AGAP1: variants seen among roughly 807,000 people sequenced by gnomAD.
The protein encoded by AGAP1 is ArfGAP with GTPase domain, ankyrin repeat and PH domain 1, also known as arf-GAP with GTPase, ANK repeat and PH domain-containing protein 1.
A neutral mutation model predicts 105.3 loss-of-function variants in AGAP1; 29 were observed. That is an observed-to-expected ratio of 0.28 (90% CI 0.21 to 0.38). The LOEUF is 0.38. Among genes scored for constraint, AGAP1 ranks in the 10% least tolerant of loss-of-function variants. AGAP1 has a pLI of 1.00. For missense variants in AGAP1, 998 were observed against 1,165.1 expected (o/e 0.86, Z 2.09); for synonymous variants, 509 against 485.9 (o/e 1.05, Z -0.63).
Position 235,893,126 on chromosome 2 carries a change from C to T in AGAP1, c.1155+9677C>T, listed in dbSNP as rs2050622445. ...TGTGCTGTGTCCTCATAAGGGTGCG[C>T]CATGTCTGTGGCGTAGTGTGCACCG... On this transcript the variant is annotated intron_variant, in intron 10 of 17. Coordinates refer to ENST00000304032, the MANE Select transcript of AGAP1 (RefSeq NM_001037131.3). This position sits in a 1 kb window ranked among gnomAD's most constrained non-coding sequence, Gnocchi z 4.7. 6.7e-6 allele frequency among the ~76,000 whole-genome samples: 1 copy of T among 150,296 alleles called. No individual in the cohort carries two copies. Among genetic ancestry groups the T allele is most frequent in the African/African-American group, 2.5e-5 (1 of 40,710 alleles).
chr2:235,872,787 C>T lies in AGAP1; in HGVS notation c.1051-10558C>T, dbSNP rs948269154. Reference sequence around the variant, plus strand: ...CCCCCTGTCTTCCCCGATTGGTTTCCATTTAGCTGCTGCACATGGGGGATG... The same window carrying T: ...CCCCCTGTCTTCCCCGATTGGTTTCTATTTAGCTGCTGCACATGGGGGATG... On this transcript the variant is annotated intron_variant, in intron 9 of 17. Transcript: ENST00000304032. This position sits in a 1 kb window ranked among gnomAD's most constrained non-coding sequence, Gnocchi z 4.5. Among the ~76,000 whole-genome samples, 1 of 152,196 alleles carries T rather than the reference C, an allele frequency of 6.6e-6. No individual in the cohort carries two copies. Among genetic ancestry groups the T allele is most frequent in the Non-Finnish European group, 1.5e-5 (1 of 68,040 alleles).
rs1008117762 is a variant in AGAP1 at position 236,130,133 on chromosome 2, A to G, written c.*6011A>G. 6.6e-6 allele frequency: 1 copy of G among 152,276 alleles called. No individual in the cohort carries two copies. The highest frequency in any genetic ancestry group is 2.4e-5 in the African/African-American group (1 of 41,460). The allele number at this position is 152,276 out of a possible 1,614,324, so 9.4% of individuals were successfully genotyped here. On this transcript the variant is annotated 3_prime_UTR_variant, in exon 18 of 18. Transcript: ENST00000304032. The surrounding 1 kb of genome is among the most constrained non-coding windows in gnomAD (Gnocchi z 5.8). The stretch of plus-strand genomic sequence containing the variant: ...CCTAAGGCTGCTAGGTGAGACCAGC[A>G]GGCAGCTGTGGCATCCGACCTTGGG...
At chr2:236,108,451 T>G (rs569515074) in intron 16 of AGAP1, among the ~76,000 whole-genome samples, 6 of 152,154 alleles carry the variant, frequency 3.9e-5, no homozygotes, top group Admixed American at 2.6e-4. Flanking sequence ...ACCCTGAGGG[T>G]GTTCCTCCAC....
At position 235,733,383 on chromosome 2, in the gene AGAP1, C is replaced by G. The variant is rs371060101; in HGVS notation, c.311-7580C>G. ...GTGAAGTGATGGGGTGTTGTTGGCT[C>G]AGGTTGTAGGAGAGATGAGGAGCCT... On this transcript the variant is annotated intron_variant, in intron 3 of 17. Transcript: ENST00000304032. The surrounding 1 kb of genome is among the most constrained non-coding windows in gnomAD (Gnocchi z 5.0). Among the ~76,000 whole-genome samples, 28 of 152,262 alleles carry G rather than the reference C, an allele frequency of 1.8e-4. 1 individual carries two copies. In the South Asian group the frequency reaches 5.4e-3, roughly 29 times the overall value.
At position 235,919,047 on chromosome 2, in the gene AGAP1, A is replaced by G. The variant is rs1183619386; in HGVS notation, c.1324+10141A>G. On this transcript the variant is annotated intron_variant, in intron 11 of 17. Coordinates refer to ENST00000304032, the MANE Select transcript of AGAP1 (RefSeq NM_001037131.3). This position sits in a 1 kb window ranked among gnomAD's most constrained non-coding sequence, Gnocchi z 4.1. ...TTTTCTCTCAAAAATGTGTGTGGGC[A>G]GGGAGGAATAGTGTTTCAGCTGCTG... Among the ~76,000 whole-genome samples the G allele has an allele frequency of 6.6e-6, 1 of 152,190 alleles. No homozygotes were observed. Among genetic ancestry groups the G allele is most frequent in the Non-Finnish European group, 1.5e-5 (1 of 68,030 alleles).
chr2:235,566,715 A>G lies in AGAP1; in HGVS notation c.163+71866A>G. 3 of 672,222 alleles carry G rather than the reference A, an allele frequency of 4.5e-6. No homozygotes were observed. Among genetic ancestry groups the G allele is most frequent in the Non-Finnish European group, 5.5e-6 (3 of 543,974 alleles). The allele number at this position is 672,222 out of a possible 1,614,324, so 41.6% of individuals were successfully genotyped here. On this transcript the variant is annotated intron_variant, in intron 1 of 17. Coordinates refer to ENST00000304032, the MANE Select transcript of AGAP1 (RefSeq NM_001037131.3). This position sits in a 1 kb window ranked among gnomAD's most constrained non-coding sequence, Gnocchi z 5.2. Reference sequence around the variant, plus strand: ...AACACAGGATGCATATTCAGGCAGGAAGTTGTTGGGGTTAACATGAGTGGA... The same window carrying G: ...AACACAGGATGCATATTCAGGCAGGGAGTTGTTGGGGTTAACATGAGTGGA...
At position 236,012,346 on chromosome 2, in the gene AGAP1, A is replaced by G. The variant is rs1194176612; in HGVS notation, c.1646-24215A>G. The stretch of plus-strand genomic sequence containing the variant: ...ATATGTAAATATTGCTGCAAGAGGT[A>G]AGTTGTACTCTTGAGGAGTGCAGCC... On this transcript the variant is annotated intron_variant, in intron 13 of 17. Transcript: ENST00000304032. The surrounding 1 kb of genome is among the most constrained non-coding windows in gnomAD (Gnocchi z 4.9). Among the ~76,000 whole-genome samples, 2 of 152,048 alleles carry G rather than the reference A, an allele frequency of 1.3e-5. No individual in the cohort carries two copies. Among genetic ancestry groups the G allele is most frequent in the Admixed American group, 6.6e-5 (1 of 15,256 alleles).
chr2:235,591,806 T>A (rs1307153210), intron 1 of AGAP1, among the ~76,000 whole-genome samples: 2 of 152,058 alleles, frequency 1.3e-5, no homozygotes, highest in Non-Finnish European at 2.9e-5. Flanking sequence ...CAGTATACAG[T>A]ATTAGGTGCC....
At position 235,732,781 on chromosome 2, in the gene AGAP1, G is replaced by A. The variant is rs1952026285; in HGVS notation, c.311-8182G>A. On this transcript the variant is annotated intron_variant, in intron 3 of 17. Coordinates refer to ENST00000304032, the MANE Select transcript of AGAP1 (RefSeq NM_001037131.3). The surrounding 1 kb of genome is among the most constrained non-coding windows in gnomAD (Gnocchi z 4.8). ...CAAATCTAGGCTGTTGGGAGCCCGT[G>A]ACCGCCCTGCTTCCTGTGGTGGGAG... Among the ~76,000 whole-genome samples, 1 of 152,154 alleles carries A rather than the reference G, an allele frequency of 6.6e-6. No individual in the cohort carries two copies. Among genetic ancestry groups the A allele is most frequent in the African/African-American group, 2.4e-5 (1 of 41,452 alleles).
chr2:235,733,628 G>A lies in AGAP1; in HGVS notation c.311-7335G>A, dbSNP rs1230638266. ...GAGTTTGGCTTTTTTCTTGTTCTGT[G>A]TTCCTTTTGTACCTTACTTAGATCT... On this transcript the variant is annotated intron_variant, in intron 3 of 17. Transcript: ENST00000304032. This position sits in a 1 kb window ranked among gnomAD's most constrained non-coding sequence, Gnocchi z 5.0. 6.6e-6 allele frequency among the ~76,000 whole-genome samples: 1 copy of A among 152,048 alleles called. No homozygotes were observed. The highest frequency in any genetic ancestry group is 1.5e-5 in the Non-Finnish European group (1 of 68,014).
At position 236,096,495 on chromosome 2, in the gene AGAP1, C is replaced by T. The variant is rs2059194510; in HGVS notation, c.2115-23697C>T. ...CAGCCTTGGGGACAGAGTGAGCCTC[C>T]ATCTCAAAAAAAAAAAAGCTTCTGG... On this transcript the variant is annotated intron_variant, in intron 16 of 17. Coordinates refer to ENST00000304032, the MANE Select transcript of AGAP1 (RefSeq NM_001037131.3). The surrounding 1 kb of genome is among the most constrained non-coding windows in gnomAD (Gnocchi z 4.4). Among the ~76,000 whole-genome samples, 1 of 147,844 alleles carries T rather than the reference C, an allele frequency of 6.8e-6. No homozygotes were observed. The highest frequency in any genetic ancestry group is 2.0e-4 in the East Asian group (1 of 4,990).
rs140407256 is a variant in AGAP1, at chr2:235,920,938, A to G, written c.1325-9827A>G. 7.4e-4 allele frequency among the ~76,000 whole-genome samples: 112 copies of G among 152,320 alleles called. No individual in the cohort carries two copies. In the East Asian group the frequency reaches 0.018, roughly 24 times the overall value. On this transcript the variant is annotated intron_variant, in intron 11 of 17. Transcript: ENST00000304032. ...CATGGGGCATACTGTTATCATTATCACCATTTCTTCATTATTATTATTATC... is the reference window on the plus strand; with the variant it reads ...CATGGGGCATACTGTTATCATTATCGCCATTTCTTCATTATTATTATTATC...
intron 1 of AGAP1, among the ~76,000 whole-genome samples, chr2:235,626,311 T>C (rs1489006352): frequency 6.6e-6 from 1 of 152,060 alleles, no homozygotes; most frequent in Non-Finnish European, 1.5e-5. Flanking sequence ...TGAGCCAAGA[T>C]CACGCCACTG....
chr2:235,991,566 T>C (rs542422196), intron 13 of AGAP1, among the ~76,000 whole-genome samples: 1 of 152,318 alleles, frequency 6.6e-6, no homozygotes, highest in East Asian at 1.9e-4. Flanking sequence ...AGAAAATGGT[T>C]TTTTAAATCA....
In AGAP1 at chr2:235,739,592, C is replaced by T. The variant is rs1399734897; in HGVS notation, c.311-1371C>T. Among the ~76,000 whole-genome samples the T allele has an allele frequency of 1.3e-5, 2 of 152,256 alleles. No homozygotes were observed. The highest frequency in any genetic ancestry group is 2.9e-5 in the Non-Finnish European group (2 of 68,044). On this transcript the variant is annotated intron_variant, in intron 3 of 17. Coordinates refer to ENST00000304032, the MANE Select transcript of AGAP1 (RefSeq NM_001037131.3). This position sits in a 1 kb window ranked among gnomAD's most constrained non-coding sequence, Gnocchi z 5.3. Reference sequence around the variant, plus strand: ...CTTCATTGTTGTGTTATTGAATGAACTGAACAGCAGATTTATTTGCTTTAG... The same window carrying T: ...CTTCATTGTTGTGTTATTGAATGAATTGAACAGCAGATTTATTTGCTTTAG...
chr2:235,513,472 GA>G (rs1261535961), intron 1 of AGAP1, among the ~76,000 whole-genome samples: 1 of 145,420 alleles, frequency 6.9e-6, no homozygotes, highest in Admixed American at 7.1e-5. Flanking sequence ...AGCGAACTGA[GA>G]TCGCGCCACT....
At position 236,131,616 on chromosome 2, in the gene AGAP1, T is replaced by C. The variant is rs550492875; in HGVS notation, c.*7494T>C. On this transcript the variant is annotated 3_prime_UTR_variant, in exon 18 of 18. Coordinates refer to ENST00000304032, the MANE Select transcript of AGAP1 (RefSeq NM_001037131.3). The surrounding 1 kb of genome is among the most constrained non-coding windows in gnomAD (Gnocchi z 5.9). ...GACAGACATTTCACTTTGCTTGTTA[T>C]TTCATATGATCTTGTTTTGATTAAA... The C allele has an allele frequency of 6.6e-6, 1 of 152,340 alleles. No homozygotes were observed. Among genetic ancestry groups the C allele is most frequent in the African/African-American group, 2.4e-5 (1 of 41,592 alleles). The allele number at this position is 152,340 out of a possible 1,614,324, so 9.4% of individuals were successfully genotyped here. A position where few individuals can be genotyped will look rare whatever the true frequency, so the allele number is the denominator to read the frequency against.
rs149132863 is a variant in AGAP1, at chr2:236,022,038, G to A, written c.1646-14523G>A. ...GAAGCCACTGCACTCCAGTCTGGGC[G>A]ACAGAGACCCTGTCTCAAAAAAAAA... is the stretch of plus-strand genomic sequence containing the variant. On this transcript the variant is annotated intron_variant, in intron 13 of 17. Coordinates refer to ENST00000304032, the MANE Select transcript of AGAP1 (RefSeq NM_001037131.3). Among the ~76,000 whole-genome samples, 814 of 134,508 alleles carry A rather than the reference G, an allele frequency of 6.1e-3. 6 individuals are homozygous for A. Among genetic ancestry groups the A allele is most frequent in the African/African-American group, 0.022 (764 of 35,454 alleles). 88.2% of individuals were successfully genotyped at this position (134,508 alleles called of 152,430 possible). A position where few individuals can be genotyped will look rare whatever the true frequency, so the allele number is the denominator to read the frequency against.
Position 235,866,505 on chromosome 2 carries a change from G to A in AGAP1, c.1051-16840G>A, listed in dbSNP as rs538286499. ...CTGTGGGGCGTATTTGGTGAGACTG[G>A]TGAGGTCAGCATTGGACCACCTCCC... On this transcript the variant is annotated intron_variant, in intron 9 of 17. Transcript: ENST00000304032. The surrounding 1 kb of genome is among the most constrained non-coding windows in gnomAD (Gnocchi z 6.1). 6.6e-6 allele frequency among the ~76,000 whole-genome samples: 1 copy of A among 152,312 alleles called. No homozygotes were observed. The highest frequency in any genetic ancestry group is 2.1e-4 in the South Asian group (1 of 4,830).
Sources: gnomAD v4.1 joint callset for allele counts (sites outside exome capture counted in the v4.1 genomes callset) on GRCh38, gnomAD v4.1.1 for gene constraint, Gnocchi (gnomAD v3.1) non-coding constraint, MANE v1.5 for transcripts, NCBI Gene and HGNC (gene_info 2026-07-23, HGNC 2026-07-21) for gene names.